AKAP10: variants seen among roughly 807,000 people sequenced by gnomAD.
AKAP10 encodes the protein A-kinase anchoring protein 10, also known as A-kinase anchor protein 10, mitochondrial.
Under a neutral mutation model 80.8 loss-of-function variants are expected in AKAP10, and 24 were observed. The observed-to-expected ratio is 0.30, with a 90% CI of 0.22 to 0.42. AKAP10 has a LOEUF of 0.42. Ranked by LOEUF, AKAP10 falls within the 10% of genes least tolerant of loss-of-function variation. The pLI is 1.00. For synonymous variants in AKAP10, 291 were observed against 277.7 expected, an observed-to-expected ratio of 1.05 and a Z score of -0.48; for missense variants, 661 against 794.9, an observed-to-expected ratio of 0.83 and a Z score of 2.03.
chr17:19,911,374 G>A (rs999146362), intron 12 of AKAP10, among the ~76,000 whole-genome samples: 1 of 152,022 alleles, frequency 6.6e-6, no homozygotes, highest in South Asian at 2.1e-4. Context: ...TCATAAATCC[G>A]ACCTTCCCTC....
chr17:19,961,704 T>C (rs1290890337), intron 3 of AKAP10, among the ~76,000 whole-genome samples: 1 of 152,216 alleles, frequency 6.6e-6, no homozygotes, highest in Non-Finnish European at 1.5e-5. Context: ...CCTGCATATG[T>C]TTTTGTTTTG....
chr17:19,912,981 CTTTT>C, intron 12 of AKAP10, among the ~76,000 whole-genome samples: 1 of 141,592 alleles, frequency 7.1e-6, no homozygotes, highest in South Asian at 2.3e-4. Context: ...TTCTTTCTTT[CTTTT>C]TTTTTTTTTT....
chr17:19,939,808 C>G lies in AKAP10; in HGVS notation c.1227G>C (p.Trp409Cys), dbSNP rs770504192. The G allele has an allele frequency of 5.6e-6, 9 of 1,613,878 alleles. No homozygotes were observed. The highest frequency in any genetic ancestry group is 5.3e-5 in the African/African-American group (4 of 74,898). The change falls in exon 8 of 15, where the codon TGG becomes TGC. Residue 409 changes from tryptophan to cysteine, a missense_variant. Coordinates refer to ENST00000225737, the MANE Select transcript of AKAP10 (RefSeq NM_007202.4). ...KEDAVNILQF[W>C]LAADNFQSQL... ...GAGACTGGAAGTTATCTGCTGCCAA[C>G]CAGAATTGTAAGATATTCACTGCAT...
At chr17:19,932,970 A>C (rs2042953246) in intron 9 of AKAP10, among the ~76,000 whole-genome samples, 2 of 152,136 alleles carry the variant, frequency 1.3e-5, no homozygotes, top group African/African-American at 2.4e-5. Context: ...GAACTTATTC[A>C]GTATAATTTG....
chr17:19,976,953 G>T (rs2043576115), intron 1 of AKAP10, among the ~76,000 whole-genome samples: 1 of 152,172 alleles, frequency 6.6e-6, no homozygotes, highest in East Asian at 1.9e-4. Flanking sequence ...AAATTAAGCT[G>T]TTTCTACGTA....
At chr17:19,977,460 G>C (rs758633526) in intron 1 of AKAP10, 132 bp downstream of exon 1, 1 of 617,448 alleles carries the variant, frequency 1.6e-6, no homozygotes, top group Non-Finnish European at 2.3e-6. Context: ...AGGCACTCAG[G>C]GGGCATCTGC....
chr17:19,964,618 G>A (rs923321181), intron 2 of AKAP10, among the ~76,000 whole-genome samples: 33 of 151,582 alleles, frequency 2.2e-4, no homozygotes, highest in African/African-American at 8.0e-4. Flanking sequence ...GGGACCGGGT[G>A]CAGTGGTTCA....
At chr17:19,949,469 C>CA (rs2043173495) in intron 4 of AKAP10, among the ~76,000 whole-genome samples, 1 of 151,940 alleles carries the variant, frequency 6.6e-6, no homozygotes. Flanking sequence ...AGTGCAATGT[C>CA]AAAAAAATAT....
intron 5 of AKAP10, among the ~76,000 whole-genome samples, chr17:19,944,352 T>C (rs1314490635): frequency 6.6e-6 from 1 of 152,194 alleles, no homozygotes; most frequent in African/African-American, 2.4e-5. Context: ...TATATACCTG[T>C]TTGTATGCTA....
At chr17:19,944,220 G>A (rs2043079673) in intron 5 of AKAP10, among the ~76,000 whole-genome samples, 1 of 152,114 alleles carries the variant, frequency 6.6e-6, no homozygotes, top group African/African-American at 2.4e-5. Context: ...TTCTATGTGA[G>A]CACTGGAATT....
intron 8 of AKAP10, among the ~76,000 whole-genome samples, chr17:19,937,370 C>T (rs1283275757): frequency 1.3e-5 from 2 of 152,062 alleles, no homozygotes; most frequent in Non-Finnish European, 2.9e-5. Context: ...GGCGTGGTGG[C>T]CCCCACCTGT....
At chr17:19,955,785 A>T (rs996212839) in intron 4 of AKAP10, among the ~76,000 whole-genome samples, 4 of 152,104 alleles carry the variant, frequency 2.6e-5, no homozygotes, top group African/African-American at 9.7e-5. Flanking sequence ...CAGTGAGCTG[A>T]GAGTACGTCA....
Position 19,977,716 on chromosome 17 carries a change from C to T in AKAP10, c.-37G>A. ...CCCGGACTTCCGGGTCCAGAGGGGC[C>T]GCTGCACTAGCGCGAAAAGGGACCC... On this transcript the variant is annotated 5_prime_UTR_variant, in exon 1 of 15. Coordinates refer to ENST00000225737, the MANE Select transcript of AKAP10 (RefSeq NM_007202.4). 1 of 1,196,846 alleles carries T rather than the reference C, an allele frequency of 8.4e-7. No homozygotes were observed. The highest frequency in any genetic ancestry group is 1.0e-6 in the Non-Finnish European group (1 of 952,890). 74.1% of individuals were successfully genotyped at this position (1,196,846 alleles called of 1,614,324 possible).
intron 10 of AKAP10, among the ~76,000 whole-genome samples, chr17:19,925,601 GC>G (rs1434539470): frequency 6.6e-6 from 1 of 152,134 alleles, no homozygotes; most frequent in Non-Finnish European, 1.5e-5. Context: ...ATTATTCACT[GC>G]AGCATTGTTT....
At chr17:19,913,455 ATTG>A (rs1469743836) in intron 12 of AKAP10, among the ~76,000 whole-genome samples, 4 of 152,000 alleles carry the variant, frequency 2.6e-5, no homozygotes, top group Non-Finnish European at 5.9e-5. Context: ...CCCGGCCCTA[ATTG>A]TTGTATTTTT....
chr17:19,919,188 A>G (rs1246682528), intron 12 of AKAP10, among the ~76,000 whole-genome samples: 1 of 147,250 alleles, frequency 6.8e-6, no homozygotes, highest in African/African-American at 2.5e-5. Flanking sequence ...TTGGTTTTCT[A>G]TCCTTGAGAC....
intron 4 of AKAP10, among the ~76,000 whole-genome samples, chr17:19,952,284 T>G (rs8064839): frequency 0.012 from 1,874 of 151,794 alleles, 37 homozygotes; most frequent in African/African-American, 0.043. Context: ...GCTAACATGG[T>G]GAAAATCCGT....
In AKAP10 at chr17:19,924,397, G is replaced by C. The variant is rs1346391017; in HGVS notation, c.1751+11C>G. The stretch of plus-strand genomic sequence containing the variant: ...ACACTTGTAAAAATTCTAGGCATGA[G>C]CTAAGCTTACCCGGCATATGTCCGT... On this transcript the variant is annotated intron_variant, in intron 11 of 14. Coordinates refer to ENST00000225737, the MANE Select transcript of AKAP10 (RefSeq NM_007202.4). 6.4e-7 allele frequency: 1 copy of C among 1,552,914 alleles called. No homozygotes were observed.
intron 5 of AKAP10, among the ~76,000 whole-genome samples, chr17:19,946,261 A>ATATATAT (rs2043123180): frequency 3.9e-5 from 1 of 25,760 alleles, no homozygotes; most frequent in East Asian, 1.4e-3. Context: ...ATATATATAT[A>ATATATAT]TATATATATA....
Sources: gnomAD v4.1 joint callset for allele counts (sites outside exome capture counted in the v4.1 genomes callset) on GRCh38, gnomAD v4.1.1 for gene constraint, MANE v1.5 for transcripts, NCBI Gene and HGNC (gene_info 2026-07-23, HGNC 2026-07-21) for gene names.